The following MRPS18C variants were observed in gnomAD, a reference collection of about 807,000 sequenced individuals.
MRPS18C encodes mitochondrial ribosomal protein S18C, also known as small ribosomal subunit protein bS18m.
A neutral mutation model predicts 21.0 loss-of-function variants in MRPS18C; 21 were observed. The observed-to-expected ratio is 1.00, with a 90% CI of 0.71 to 1.44. The LOEUF is 1.44. Ranked by LOEUF, MRPS18C falls within the 40% of genes most tolerant of loss-of-function variation. The probability of loss-of-function intolerance (pLI) is 0.00; values close to 1 mark genes in which losing one functional copy is unlikely to be tolerated. For missense variants in MRPS18C, 152 were observed against 171.5 expected (o/e 0.89, Z 0.64); for synonymous variants, 65 against 54.3 (o/e 1.20, Z -0.87).
chr4:83,456,407 C>A (rs1371162569), intron 1 of MRPS18C, among the ~76,000 whole-genome samples: 1 of 152,172 alleles, frequency 6.6e-6, no homozygotes, highest in African/African-American at 2.4e-5. Context: ...AAAGCAGAGA[C>A]TTTCCTAAGA....
chr4:83,457,089 A>G, intron 2 of MRPS18C, 131 bp downstream of exon 2: 1 of 691,488 alleles, frequency 1.4e-6, no homozygotes, highest in Non-Finnish European at 2.4e-6. Context: ...CTGCCGTAGG[A>G]CAAAACAATT....
intron 1 of MRPS18C, 79 bp downstream of exon 1, chr4:83,456,256 T>A: frequency 1.7e-6 from 2 of 1,152,942 alleles, no homozygotes; most frequent in Non-Finnish European, 2.5e-6. Flanking sequence ...TCGTCCCTGT[T>A]AGCAAAACGA....
intron 2 of MRPS18C, chr4:83,457,259 G>GT (rs59746535): frequency 0.046 from 8,694 of 191,056 alleles, 5 homozygotes; most frequent in South Asian, 0.086. Flanking sequence ...TTTGGGAATT[G>GT]TTTTTTTTTT....
In MRPS18C at chr4:83,461,972, A is replaced by G. The variant is rs181541762; in HGVS notation, c.*775A>G. The G allele has an allele frequency of 1.7e-3, 391 of 229,312 alleles. 6 individuals are homozygous for G. The East Asian group carries it at 0.024, about 14-fold the overall frequency. 14.2% of individuals were successfully genotyped at this position (229,312 alleles called of 1,614,324 possible). Reference sequence around the variant, plus strand: ...TCTAGCCATAATGTACTTCTAAAAAAGTATCACTTAAGGAGAATTTTAATG... The same window carrying G: ...TCTAGCCATAATGTACTTCTAAAAAGGTATCACTTAAGGAGAATTTTAATG... On this transcript the variant is annotated 3_prime_UTR_variant, in exon 6 of 6. Transcript: ENST00000295491.
At chr4:83,459,144 C>CAAAAAAA (rs59202184) in intron 3 of MRPS18C, 5 of 48,116 alleles carry the variant, frequency 1.0e-4, no homozygotes, top group Admixed American at 2.6e-4. Context: ...AAAACTCTGT[C>CAAAAAAA]AAAAAAAAAA....
In MRPS18C at chr4:83,456,959, G is replaced by C. The variant is rs113095757; in HGVS notation, c.150+1G>C. Reference sequence around the variant, plus strand: ...ACAGGTATCCAGCAATGAGGACCTGGTAAGAATTTTTTTTTCTATTAGTAA... The same window carrying C: ...ACAGGTATCCAGCAATGAGGACCTGCTAAGAATTTTTTTTTCTATTAGTAA... On this transcript the variant is annotated splice_donor_variant, in intron 2 of 5. Transcript: ENST00000295491. LOFTEE classifies it high-confidence loss of function. 1 of 1,611,206 alleles carries C rather than the reference G, an allele frequency of 6.2e-7. No individual in the cohort carries two copies. The highest frequency in any genetic ancestry group is 8.5e-7 in the Non-Finnish European group (1 of 1,179,550).
At position 83,456,865 on chromosome 4, in the gene MRPS18C, C is replaced by T. The variant is rs763100047; in HGVS notation, c.101-44C>T. On this transcript the variant is annotated intron_variant, in intron 1 of 5. Transcript: ENST00000295491. The stretch of plus-strand genomic sequence containing the variant: ...AAAACAAAAATCTTTAGCTATTCAG[C>T]TAAGAAAAAGAAATGGTTAATTGCT... The T allele has an allele frequency of 1.9e-6, 3 of 1,597,168 alleles. No individual in the cohort carries two copies. In the Admixed American group the frequency reaches 5.3e-5, roughly 28 times the overall value.
In MRPS18C at chr4:83,462,236, C is replaced by T. The variant is rs1722146103; in HGVS notation, c.*1039C>T. On this transcript the variant is annotated 3_prime_UTR_variant, in exon 6 of 6. Transcript: ENST00000295491. Reference sequence around the variant, plus strand: ...AGAATGTGTCTGTGTAAGCCTTCCCCTCAACAACTTAGTGAAAGGTGAAAA... The same window carrying T: ...AGAATGTGTCTGTGTAAGCCTTCCCTTCAACAACTTAGTGAAAGGTGAAAA... The T allele has an allele frequency of 4.2e-6, 2 of 476,890 alleles. No individual in the cohort carries two copies. Among genetic ancestry groups the T allele is most frequent in the Non-Finnish European group, 7.5e-6 (2 of 267,970 alleles). The allele number at this position is 476,890 out of a possible 1,614,324, so 29.5% of individuals were successfully genotyped here.
rs765088063 is a variant in MRPS18C, at chr4:83,456,089, G to A, written c.12G>A (p.Val4=). 1.9e-6 allele frequency: 3 copies of A among 1,612,620 alleles called. No individual in the cohort carries two copies. Among genetic ancestry groups the A allele is most frequent in the Non-Finnish European group, 2.5e-6 (3 of 1,180,014 alleles). Residue 4 remains valine (V), a synonymous_variant, in exon 1 of 6, where the codon GTG becomes GTA. Coordinates refer to ENST00000295491, the MANE Select transcript of MRPS18C (RefSeq NM_016067.4). ...AGAAACGCGGAACCATGGCCGCTGT[G>A]GTTGCTGTTTGCGGTGGTCTAGGGA... The part of the protein sequence containing the change: MAA[V]VAVCGGLGRK...
intron 3 of MRPS18C, chr4:83,459,167 AAG>A (rs1560567716): frequency 1.3e-5 from 2 of 150,498 alleles, no homozygotes; most frequent in Non-Finnish European, 3.0e-5. Flanking sequence ...AAAAAAAAAA[AAG>A]AATTCCATAT....
At chr4:83,458,492 GAATC>G (rs1329176486) in intron 3 of MRPS18C, 63 bp downstream of exon 3, 35 of 1,280,550 alleles carry the variant, frequency 2.7e-5, no homozygotes, top group East Asian at 9.9e-5. Context: ...TGCTTAAAGA[GAATC>G]AAGTCAGTTT....
At chr4:83,459,505 A>G (rs1333829917) in intron 3 of MRPS18C, 1 of 389,156 alleles carries the variant, frequency 2.6e-6, no homozygotes, top group African/African-American at 2.1e-5. Context: ...CAGATTTACC[A>G]TTGAATGAAT....
Position 83,456,931 on chromosome 4 carries a change from A to G in MRPS18C, c.123A>G (p.Ser41=), listed in dbSNP as rs1451483357. 4 of 1,612,416 alleles carry G rather than the reference A, an allele frequency of 2.5e-6. No homozygotes were observed. Among genetic ancestry groups the G allele is most frequent in the South Asian group, 2.2e-5 (2 of 90,914 alleles). ...THTVLWRRGC[S]QQVSSNEDLP... is the part of the protein sequence containing the mutation. ...CAGTGCTTTGGAGAAGAGGTTGTTC[A>G]CAACAGGTATCCAGCAATGAGGACC... The change falls in exon 2 of 6, where the codon TCA becomes TCG. Residue 41 remains serine (S), a synonymous_variant. Coordinates refer to ENST00000295491, the MANE Select transcript of MRPS18C (RefSeq NM_016067.4).
rs752016622 is a variant in MRPS18C at position 83,456,936 on chromosome 4, A to G, written c.128A>G (p.Gln43Arg). The G allele has an allele frequency of 1.9e-6, 3 of 1,612,512 alleles. No individual in the cohort carries two copies. Among genetic ancestry groups the G allele is most frequent in the Non-Finnish European group, 1.7e-6 (2 of 1,179,872 alleles). Residue 43 changes from glutamine (Q) to arginine (R), a missense_variant, in exon 2 of 6, where the codon CAG becomes CGG. Transcript: ENST00000295491. ...TVLWRRGCSQ[Q>R]VSSNEDLPIS... ...CTTTGGAGAAGAGGTTGTTCACAAC[A>G]GGTATCCAGCAATGAGGACCTGGTA... is the stretch of plus-strand genomic sequence containing the variant.
At chr4:83,458,462 G>T (rs777519260) in intron 3 of MRPS18C, 33 bp downstream of exon 3, 28 of 1,498,168 alleles carry the variant, frequency 1.9e-5, no homozygotes, top group Non-Finnish European at 2.3e-5. Context: ...TATATTTTAG[G>T]GTTTTGCTTC....
At chr4:83,456,251 C>A in intron 1 of MRPS18C, 74 bp downstream of exon 1, 1 of 1,288,986 alleles carries the variant, frequency 7.8e-7, no homozygotes, top group Non-Finnish European at 1.1e-6. Context: ...TAGAGTCGTC[C>A]CTGTTAGCAA....
intron 4 of MRPS18C, 95 bp from the exon 5 acceptor site, chr4:83,460,878 C>T (rs1722072106): frequency 1.9e-6 from 2 of 1,047,460 alleles, no homozygotes; most frequent in East Asian, 2.5e-5. Context: ...TGTACTCCAG[C>T]CTGGGTGACA....
At chr4:83,457,082 C>A (rs977307855) in intron 2 of MRPS18C, 124 bp downstream of exon 2, 4 of 740,474 alleles carry the variant, frequency 5.4e-6, no homozygotes, top group African/African-American at 3.6e-5. Context: ...TAGAGTTCTG[C>A]CGTAGGACAA....
Position 83,458,855 on chromosome 4 carries a change from C to G in MRPS18C, c.234+426C>G, listed in dbSNP as rs1721965170. On this transcript the variant is annotated intron_variant, in intron 3 of 5. Transcript: ENST00000295491. ...GGGGCAAGTGAATAGCGCTAGAATT[C>G]TGTATGTTGGCTGGGTGTGGTGGCT... 3 of 157,610 alleles carry G rather than the reference C, an allele frequency of 1.9e-5. No homozygotes were observed. In the Admixed American group the frequency reaches 2.0e-4, roughly 10 times the overall value. The allele number at this position is 157,610 out of a possible 1,614,324, so 9.8% of individuals were successfully genotyped here.
Sources: gnomAD v4.1 joint callset for allele counts (sites outside exome capture counted in the v4.1 genomes callset) on GRCh38, gnomAD v4.1.1 for gene constraint, MANE v1.5 for transcripts, NCBI Gene and HGNC (gene_info 2026-07-23, HGNC 2026-07-21) for gene names.